The following TMEM132D variants were observed in gnomAD, a reference collection of about 807,000 sequenced individuals.
The protein encoded by TMEM132D is transmembrane protein 132D, also known as mature OL transmembrane protein.
In TMEM132D, 21 loss-of-function variants were observed where a neutral mutation model predicts 62.3. The observed-to-expected ratio is 0.34, with a 90% CI of 0.24 to 0.49. The LOEUF is 0.49. TMEM132D is among the 20% of genes least tolerant of loss of function. The pLI is 0.99. For missense variants in TMEM132D, 1,346 were observed against 1,402.8 expected (o/e 0.96, Z 0.65); for synonymous variants, 621 against 575.6 (o/e 1.08, Z -1.13).
At chr12:129,520,497 C>T (rs915958003) in intron 3 of TMEM132D, among the ~76,000 whole-genome samples, 7 of 152,096 alleles carry the variant, frequency 4.6e-5, no homozygotes. Context: ...TTATAACTTC[C>T]CTTTGGAATA....
chr12:129,426,538 G>C (rs1872502706), intron 3 of TMEM132D, among the ~76,000 whole-genome samples: 1 of 152,138 alleles, frequency 6.6e-6, no homozygotes, highest in South Asian at 2.1e-4. Flanking sequence ...AAAGGTCCTA[G>C]AACTATCTCA....
At chr12:129,334,227 A>G (rs1193181695) in intron 4 of TMEM132D, among the ~76,000 whole-genome samples, 1 of 152,114 alleles carries the variant, frequency 6.6e-6, no homozygotes, top group Non-Finnish European at 1.5e-5. Flanking sequence ...TAACAAATAC[A>G]AAATTCCACC....
intron 1 of TMEM132D, among the ~76,000 whole-genome samples, chr12:129,841,962 G>A (rs1298581291): frequency 6.9e-6 from 1 of 145,368 alleles, no homozygotes; most frequent in Non-Finnish European, 1.5e-5. Flanking sequence ...ACGGAGTCTC[G>A]GTCTGTCCCC....
chr12:129,761,528 T>G (rs1460866855), intron 1 of TMEM132D, among the ~76,000 whole-genome samples: 1 of 152,190 alleles, frequency 6.6e-6, no homozygotes, highest in Admixed American at 6.5e-5. Context: ...AACAAGGCAC[T>G]GCTGTGTTTT....
At chr12:129,810,921 G>A (rs1286970548) in intron 1 of TMEM132D, among the ~76,000 whole-genome samples, 1 of 152,056 alleles carries the variant, frequency 6.6e-6, no homozygotes, top group Non-Finnish European at 1.5e-5. Context: ...GGGCACTGAT[G>A]GTATTGCGTG....
chr12:129,421,535 T>C (rs182212206), intron 3 of TMEM132D, among the ~76,000 whole-genome samples: 54 of 152,242 alleles, frequency 3.5e-4, no homozygotes, highest in Non-Finnish European at 7.6e-4. Flanking sequence ...AGAACAACTA[T>C]CCTCCCAACC....
chr12:129,222,268 T>C (rs1463746983), intron 4 of TMEM132D, among the ~76,000 whole-genome samples: 1 of 152,184 alleles, frequency 6.6e-6, no homozygotes. Context: ...ATGGTGCTCT[T>C]CCCTTCCTTT....
chr12:129,439,595 C>A (rs954334672), intron 3 of TMEM132D, among the ~76,000 whole-genome samples: 1 of 151,978 alleles, frequency 6.6e-6, no homozygotes, highest in Non-Finnish European at 1.5e-5. Flanking sequence ...GAACAGGTGC[C>A]CGCCATCACA....
intron 5 of TMEM132D, among the ~76,000 whole-genome samples, chr12:129,090,850 G>T (rs1227585972): frequency 6.6e-6 from 1 of 152,176 alleles, no homozygotes; most frequent in African/African-American, 2.4e-5. Flanking sequence ...TGGCACTGAG[G>T]TTTCCAGTCC....
intron 1 of TMEM132D, among the ~76,000 whole-genome samples, chr12:129,793,906 A>G (rs1358302455): frequency 1.3e-5 from 2 of 152,220 alleles, no homozygotes; most frequent in Admixed American, 1.3e-4. Flanking sequence ...TGTTGTAGAC[A>G]CATAGGAACT....
intron 2 of TMEM132D, among the ~76,000 whole-genome samples, chr12:129,590,943 G>T (rs181082004): frequency 2.9e-4 from 44 of 152,160 alleles, no homozygotes; most frequent in African/African-American, 9.9e-4. Flanking sequence ...CAAAAGAGAA[G>T]CTAAAAAGTC....
chr12:129,307,239 C>T (rs1881866901), intron 4 of TMEM132D, among the ~76,000 whole-genome samples: 1 of 152,002 alleles, frequency 6.6e-6, no homozygotes. Flanking sequence ...CTCGAGCACC[C>T]TATGAAAAGA....
chr12:129,425,776 G>A (rs754610281), intron 3 of TMEM132D, among the ~76,000 whole-genome samples: 6 of 152,244 alleles, frequency 3.9e-5, no homozygotes, highest in East Asian at 3.9e-4. Flanking sequence ...TTCATTGTGC[G>A]TAAACAATAA....
At chr12:129,898,238 A>G (rs1436460141) in intron 1 of TMEM132D, among the ~76,000 whole-genome samples, 1 of 152,224 alleles carries the variant, frequency 6.6e-6, no homozygotes, top group Non-Finnish European at 1.5e-5. Context: ...ATTTCCAGCA[A>G]TATTTCACAC....
At chr12:129,471,209 C>CT (rs3046077) in intron 3 of TMEM132D, among the ~76,000 whole-genome samples, 18,821 of 145,692 alleles carry the variant, frequency 0.13, 1,274 homozygotes, top group South Asian at 0.24. Context: ...GTAGATATTA[C>CT]TTTTTTTTTT....
chr12:129,716,806 G>T (rs264476), intron 1 of TMEM132D, among the ~76,000 whole-genome samples: 152,321 of 152,338 alleles, frequency 1, 76,152 homozygotes, highest in Non-Finnish European at 1. Flanking sequence ...AAAAAATGTG[G>T]GTTGGGTTAA....
intron 2 of TMEM132D, among the ~76,000 whole-genome samples, chr12:129,647,117 C>T (rs1428498409): frequency 2.7e-5 from 1 of 36,882 alleles, no homozygotes; most frequent in African/African-American, 5.7e-5. Flanking sequence ...TTTATACATA[C>T]ATACATATAT....
At chr12:129,450,478 A>G (rs1873240420) in intron 3 of TMEM132D, among the ~76,000 whole-genome samples, 1 of 152,214 alleles carries the variant, frequency 6.6e-6, no homozygotes, top group African/African-American at 2.4e-5. Flanking sequence ...AGTTTCAATG[A>G]TGCTTGGATT....
chr12:129,308,417 G>T (rs1881892860), intron 4 of TMEM132D, among the ~76,000 whole-genome samples: 1 of 152,176 alleles, frequency 6.6e-6, no homozygotes, highest in Admixed American at 6.5e-5. Flanking sequence ...AATCTAATTT[G>T]CATTTATGGT....
Sources: allele counts gnomAD v4.1 joint callset (sites outside exome capture counted in the v4.1 genomes callset), GRCh38; gene constraint gnomAD v4.1.1; transcripts MANE v1.5; gene names NCBI Gene and HGNC (gene_info 2026-07-23, HGNC 2026-07-21).